The following GREB1L variants were observed in gnomAD, a reference collection of about 807,000 sequenced individuals.
GREB1L encodes the protein GREB1-like protein.
A neutral mutation model predicts 200.8 loss-of-function variants in GREB1L; 17 were observed. The observed-to-expected ratio is 0.08, with a 90% CI of 0.06 to 0.13. The LOEUF (loss-of-function observed/expected upper bound fraction) is 0.13, where lower values mean the gene tolerates loss of function less well. GREB1L is among the 10% of genes least tolerant of loss of function. The pLI, the probability that GREB1L is intolerant of heterozygous loss-of-function variation, is 1.00. For synonymous variants in GREB1L, 789 were observed against 893.0 expected, an observed-to-expected ratio of 0.88 and a Z score of 2.08; for missense variants, 1,657 against 2,367.7, an observed-to-expected ratio of 0.70 and a Z score of 6.23.
intron 1 of GREB1L, among the ~76,000 whole-genome samples, chr18:21,245,403 T>C (rs113751592): frequency 5.3e-5 from 8 of 152,216 alleles, no homozygotes; most frequent in Non-Finnish European, 8.8e-5. Context: ...ATTGATTGAT[T>C]AATGAAGCTG....
chr18:21,370,805 G>A (rs770841508), intron 2 of GREB1L, among the ~76,000 whole-genome samples: 5 of 152,166 alleles, frequency 3.3e-5, no homozygotes, highest in Non-Finnish European at 5.9e-5. Flanking sequence ...ACTGCTGGGC[G>A]CAGTGGCTCA....
At position 21,380,826 on chromosome 18, in the gene GREB1L, C is replaced by T. The variant is rs1294365653; in HGVS notation, c.-9-2684C>T. On this transcript the variant is annotated intron_variant, in intron 2 of 32. Coordinates refer to ENST00000424526, the MANE Select transcript of GREB1L (RefSeq NM_001142966.3). Reference sequence around the variant, plus strand: ...ATACTGTTAAAGATTATTGGCCAGGCGCAATGGCTCACACCTGTAATCCCA... The same window carrying T: ...ATACTGTTAAAGATTATTGGCCAGGTGCAATGGCTCACACCTGTAATCCCA... 4.6e-5 allele frequency among the ~76,000 whole-genome samples: 7 copies of T among 152,168 alleles called. No individual in the cohort carries two copies. The East Asian group carries it at 7.7e-4, about 17-fold the overall frequency.
intron 28 of GREB1L, among the ~76,000 whole-genome samples, chr18:21,514,966 T>C (rs2037366635): frequency 6.6e-6 from 1 of 152,228 alleles, no homozygotes; most frequent in Non-Finnish European, 1.5e-5. Flanking sequence ...AGCACTCCCA[T>C]TGCAACACTG....
intron 7 of GREB1L, among the ~76,000 whole-genome samples, chr18:21,418,841 A>G (rs1406502258): frequency 6.6e-6 from 1 of 151,996 alleles, no homozygotes; most frequent in Non-Finnish European, 1.5e-5. Flanking sequence ...TGTTTTTCAT[A>G]ATTCAGTTTA....
intron 7 of GREB1L, among the ~76,000 whole-genome samples, chr18:21,414,360 G>A (rs1362061611): frequency 6.6e-6 from 1 of 152,092 alleles, no homozygotes; most frequent in East Asian, 1.9e-4. Flanking sequence ...ACTGGTTCGT[G>A]GGAGAAGTAA....
intron 11 of GREB1L, among the ~76,000 whole-genome samples, chr18:21,448,159 CAAAAA>C: frequency 7.6e-6 from 1 of 131,814 alleles, no homozygotes. Context: ...GAAACTGTCT[CAAAAA>C]AAAAAAAAAG....
chr18:21,402,949 A>G (rs1210684437), intron 6 of GREB1L, among the ~76,000 whole-genome samples: 1 of 151,742 alleles, frequency 6.6e-6, no homozygotes, highest in African/African-American at 2.4e-5. Context: ...CAATATACAT[A>G]TATGCGTATA....
At chr18:21,348,690 G>A (rs1369725130) in intron 1 of GREB1L, among the ~76,000 whole-genome samples, 9 of 151,918 alleles carry the variant, frequency 5.9e-5, no homozygotes, top group African/African-American at 1.5e-4. Flanking sequence ...CAGGAGAATC[G>A]CTTGAACCCG....
intron 2 of GREB1L, among the ~76,000 whole-genome samples, chr18:21,373,522 T>TA (rs2039960825): frequency 6.6e-6 from 1 of 152,118 alleles, no homozygotes; most frequent in South Asian, 2.1e-4. Flanking sequence ...TCAGTAGAGA[T>TA]AGAGTTTCAC....
chr18:21,315,569 TAA>T (rs970768183), intron 1 of GREB1L, among the ~76,000 whole-genome samples: 1 of 152,184 alleles, frequency 6.6e-6, no homozygotes, highest in African/African-American at 2.4e-5. Context: ...AGAGGAATGG[TAA>T]AGTCTATTAT....
intron 1 of GREB1L, among the ~76,000 whole-genome samples, chr18:21,292,156 G>T (rs1175955158): frequency 2.6e-5 from 4 of 152,214 alleles, no homozygotes; most frequent in Non-Finnish European, 5.9e-5. Flanking sequence ...AGACAAGGTA[G>T]AAGGATTTAC....
At chr18:21,466,032 G>A (rs2035250630) in intron 15 of GREB1L, among the ~76,000 whole-genome samples, 1 of 152,022 alleles carries the variant, frequency 6.6e-6, no homozygotes, top group South Asian at 2.1e-4. Flanking sequence ...TTAAACCTAA[G>A]TGGAACTACA....
chr18:21,473,674 C>G (rs963920127), intron 16 of GREB1L, among the ~76,000 whole-genome samples: 1 of 152,056 alleles, frequency 6.6e-6, no homozygotes, highest in Non-Finnish European at 1.5e-5. Flanking sequence ...TTTTCCTACC[C>G]TTTTCTTGCT....
chr18:21,408,087 A>T (rs944804050), intron 7 of GREB1L, among the ~76,000 whole-genome samples: 14 of 152,338 alleles, frequency 9.2e-5, no homozygotes, highest in African/African-American at 3.4e-4. Flanking sequence ...AATAATATAT[A>T]TTTTTAAATA....
intron 15 of GREB1L, among the ~76,000 whole-genome samples, chr18:21,458,776 C>T (rs1162885209): frequency 6.6e-6 from 1 of 152,156 alleles, no homozygotes; most frequent in African/African-American, 2.4e-5. Flanking sequence ...AGACTTGTAA[C>T]TGCTGGAGTG....
intron 7 of GREB1L, among the ~76,000 whole-genome samples, chr18:21,429,260 GTCCTC>G (rs1191794862): frequency 1.5e-4 from 11 of 75,198 alleles, no homozygotes; most frequent in African/African-American, 3.2e-4. Context: ...CTCCTCTCCT[GTCCTC>G]TCCTCTCCTC....
At chr18:21,262,842 AAGTT>A (rs1555623090) in intron 1 of GREB1L, among the ~76,000 whole-genome samples, 1 of 152,186 alleles carries the variant, frequency 6.6e-6, no homozygotes, top group Non-Finnish European at 1.5e-5. Flanking sequence ...AGATGAGAAC[AAGTT>A]AGTATGAATA....
At chr18:21,416,704 A>C (rs28464203) in intron 7 of GREB1L, among the ~76,000 whole-genome samples, 48,615 of 150,458 alleles carry the variant, frequency 0.32, 10,812 homozygotes, top group African/African-American at 0.6. Flanking sequence ...AAAAAAAAAA[A>C]AAAAAACTAC....
intron 7 of GREB1L, among the ~76,000 whole-genome samples, chr18:21,428,493 A>G (rs897164524): frequency 1.3e-5 from 2 of 150,840 alleles, no homozygotes; most frequent in African/African-American, 4.9e-5. Flanking sequence ...CAAATGCTTT[A>G]CCTGTGTCTC....
Sources: gnomAD v4.1 joint callset for allele counts (sites outside exome capture counted in the v4.1 genomes callset) on GRCh38, gnomAD v4.1.1 for gene constraint, MANE v1.5 for transcripts, NCBI Gene and HGNC (gene_info 2026-07-23, HGNC 2026-07-21) for gene names.